Variants in MACROD2 observed in about 807,000 individuals in gnomAD.
MACROD2 encodes mono-ADP ribosylhydrolase 2, also known as ADP-ribose glycohydrolase MACROD2.
Under a neutral mutation model 70.4 loss-of-function variants are expected in MACROD2, and 36 were observed. The observed-to-expected ratio is 0.51, with a 90% CI of 0.39 to 0.68. The LOEUF (loss-of-function observed/expected upper bound fraction) is 0.68, where lower values mean the gene tolerates loss of function less well. Among genes scored for constraint, MACROD2 ranks in the 30% least tolerant of loss-of-function variants. MACROD2 has a pLI of 0.00. For synonymous variants in MACROD2, 172 were observed against 178.8 expected (o/e 0.96, Z 0.30); for missense variants, 496 against 538.4 (o/e 0.92, Z 0.78).
intron 5 of MACROD2, among the ~76,000 whole-genome samples, chr20:14,730,985 A>G (rs900994243): frequency 2.1e-5 from 3 of 142,392 alleles, no homozygotes; most frequent in Non-Finnish European, 4.6e-5. Flanking sequence ...TTTAGCACAC[A>G]CACACACACA....
chr20:15,477,205 ATCC>A (rs1473877451), intron 7 of MACROD2, among the ~76,000 whole-genome samples: 1 of 148,106 alleles, frequency 6.8e-6, no homozygotes, highest in African/African-American at 2.5e-5. Context: ...GGCTCAAGTG[ATCC>A]TCCTGCCTCA....
rs559380633 is a variant in MACROD2 at position 15,863,998 on chromosome 20, T to C, written c.727+1172T>C. ...AAGTATTCCTCTAACTGAAACATAA[T>C]GTAAATTCCTCAGATTCCCATGTGA... On this transcript the variant is annotated intron_variant, in intron 9 of 17. Coordinates refer to ENST00000684519, the MANE Select transcript of MACROD2 (RefSeq NM_001351661.2). 7.9e-5 allele frequency among the ~76,000 whole-genome samples: 12 copies of C among 152,358 alleles called. No homozygotes were observed. The South Asian group carries it at 1.7e-3, about 21-fold the overall frequency.
chr20:15,875,898 T>C (rs2064660763), intron 9 of MACROD2, among the ~76,000 whole-genome samples: 1 of 151,866 alleles, frequency 6.6e-6, no homozygotes, highest in Non-Finnish European at 1.5e-5. Flanking sequence ...GTTTTGGTTC[T>C]TTAGTTGAAA....
intron 8 of MACROD2, among the ~76,000 whole-genome samples, chr20:15,592,511 A>C (rs564296820): frequency 1.8e-4 from 28 of 152,336 alleles, no homozygotes; most frequent in African/African-American, 6.3e-4. Context: ...TTGACTTCTC[A>C]GACTGGCCAG....
chr20:15,754,058 G>A (rs1473254057), intron 8 of MACROD2, among the ~76,000 whole-genome samples: 2 of 152,070 alleles, frequency 1.3e-5, no homozygotes, highest in African/African-American at 4.8e-5. Flanking sequence ...AGATATGAAT[G>A]ACTCATGTAA....
intron 12 of MACROD2, among the ~76,000 whole-genome samples, chr20:15,950,906 A>G (rs1261524105): frequency 6.6e-6 from 1 of 152,148 alleles, no homozygotes; most frequent in Non-Finnish European, 1.5e-5. Context: ...TAATTAACTA[A>G]ATGTGATTTT....
intron 6 of MACROD2, among the ~76,000 whole-genome samples, chr20:15,263,790 G>T (rs2077269336): frequency 6.6e-6 from 1 of 151,772 alleles, no homozygotes; most frequent in African/African-American, 2.4e-5. Context: ...TTTTACTCAT[G>T]GCTATTAAAA....
At chr20:15,925,429 C>T (rs560496255) in intron 10 of MACROD2, among the ~76,000 whole-genome samples, 12 of 152,250 alleles carry the variant, frequency 7.9e-5, no homozygotes, top group Admixed American at 4.6e-4. Context: ...TAAAAACTAA[C>T]GGTATCAAAG....
At chr20:14,842,621 C>G (rs2073099065) in intron 5 of MACROD2, among the ~76,000 whole-genome samples, 1 of 152,068 alleles carries the variant, frequency 6.6e-6, no homozygotes, top group African/African-American at 2.4e-5. Flanking sequence ...TTTTTAGACT[C>G]AAAGCAGATA....
intron 10 of MACROD2, among the ~76,000 whole-genome samples, chr20:15,921,107 C>A (rs2147289495): frequency 6.6e-6 from 1 of 152,256 alleles, no homozygotes; most frequent in African/African-American, 2.4e-5. Flanking sequence ...AGAGAGAACC[C>A]ACCCATGGCT....
chr20:14,966,824 A>AT (rs890771515), intron 5 of MACROD2, among the ~76,000 whole-genome samples: 1 of 152,108 alleles, frequency 6.6e-6, no homozygotes, highest in South Asian at 2.1e-4. Context: ...ATGTACAGGC[A>AT]TTTTTTTATC....
chr20:15,965,985 A>G (rs999926890), intron 12 of MACROD2, among the ~76,000 whole-genome samples: 15 of 152,210 alleles, frequency 9.9e-5, no homozygotes, highest in African/African-American at 3.4e-4. Context: ...TTCACTGGTT[A>G]TTAAATTTGA....
At chr20:15,545,183 A>G (rs2048010629) in intron 8 of MACROD2, among the ~76,000 whole-genome samples, 1 of 152,192 alleles carries the variant, frequency 6.6e-6, no homozygotes, top group Non-Finnish European at 1.5e-5. Context: ...TGCAATTCAG[A>G]ATTCTGAGAA....
intron 3 of MACROD2, among the ~76,000 whole-genome samples, chr20:14,431,522 C>G (rs1237878051): frequency 1.3e-5 from 2 of 152,048 alleles, no homozygotes; most frequent in East Asian, 3.8e-4. Context: ...TCCATGAGAT[C>G]CACAGTTTTT....
At chr20:14,032,081 AATTT>A (rs2053252212) in intron 2 of MACROD2, among the ~76,000 whole-genome samples, 1 of 151,982 alleles carries the variant, frequency 6.6e-6, no homozygotes, top group South Asian at 2.1e-4. Context: ...TTAGTGTAAA[AATTT>A]ATTATTGTAC....
chr20:14,227,659 C>A (rs1490163957), intron 3 of MACROD2, among the ~76,000 whole-genome samples: 1 of 152,258 alleles, frequency 6.6e-6, no homozygotes, highest in Non-Finnish European at 1.5e-5. Context: ...CGGCTTCATT[C>A]TTGAAGTCAG....
chr20:15,538,345 C>T (rs906917563), intron 8 of MACROD2, among the ~76,000 whole-genome samples: 4 of 152,148 alleles, frequency 2.6e-5, no homozygotes, highest in East Asian at 1.9e-4. Context: ...ATCAATAGGA[C>T]CCACTAAACA....
At chr20:14,145,010 C>G (rs1373398915) in intron 3 of MACROD2, among the ~76,000 whole-genome samples, 2 of 152,128 alleles carry the variant, frequency 1.3e-5, no homozygotes, top group Non-Finnish European at 2.9e-5. Flanking sequence ...TTGCCTTATC[C>G]TTTGGTTGAG....
intron 3 of MACROD2, among the ~76,000 whole-genome samples, chr20:14,289,180 T>C (rs1453396090): frequency 1.3e-5 from 2 of 152,166 alleles, no homozygotes; most frequent in African/African-American, 2.4e-5. Flanking sequence ...TTAGAGACCA[T>C]TGTGTGAGTA....
Sources: allele counts gnomAD v4.1 joint callset (sites outside exome capture counted in the v4.1 genomes callset), GRCh38; gene constraint gnomAD v4.1.1; transcripts MANE v1.5; gene names NCBI Gene and HGNC (gene_info 2026-07-23, HGNC 2026-07-21).